Variants in OPCML observed in about 807,000 individuals in gnomAD.
OPCML encodes the protein opioid binding protein/cell adhesion molecule like, also known as opioid-binding protein/cell adhesion molecule.
OPCML carries 13 observed loss-of-function variants against 37.8 expected under a neutral mutation model. The ratio of observed to expected loss-of-function variants is 0.34; its 90% confidence interval spans 0.22 to 0.55. The LOEUF is 0.55. Ranked by LOEUF, OPCML falls within the 20% of genes least tolerant of loss-of-function variation. The pLI, the probability that OPCML is intolerant of heterozygous loss-of-function variation, is 0.91. For missense variants in OPCML, 341 were observed against 435.6 expected (o/e 0.78, Z 1.93); for synonymous variants, 176 against 168.8 (o/e 1.04, Z -0.33).
chr11:132,975,529 C>CAAAAAAAAAAAAA lies in OPCML; in HGVS notation c.62-32532_62-32520dup, dbSNP rs56882175. 2.1e-4 allele frequency among the ~76,000 whole-genome samples: 9 copies of CAAAAAAAAAAAAA among 42,800 alleles called. 2 individuals are homozygous for CAAAAAAAAAAAAA. Among genetic ancestry groups the CAAAAAAAAAAAAA allele is most frequent in the South Asian group, 1.1e-3 (1 of 934 alleles). The allele number at this position is 42,800 out of a possible 152,430, so 28.1% of individuals were successfully genotyped here. ...CTGGATGTCCCATCCAGGTTTCAAG[C>CAAAAAAAAAAAAA]AAAAAAAAAAAAAAAAAAAAAAAAA... On this transcript the variant is annotated intron_variant, in intron 1 of 7. Coordinates refer to ENST00000524381, the MANE Select transcript of OPCML (RefSeq NM_001012393.5).
chr11:132,436,013 A>G (rs1221568685), intron 7 of OPCML, 73 bp downstream of exon 7: 14 of 1,515,522 alleles, frequency 9.2e-6, no homozygotes, highest in Non-Finnish European at 1.2e-5. Context: ...GCAGATTGCA[A>G]CTTCCTCCCT....
At chr11:132,472,791 G>A (rs965077073) in intron 4 of OPCML, among the ~76,000 whole-genome samples, 1 of 152,214 alleles carries the variant, frequency 6.6e-6, no homozygotes, top group Non-Finnish European at 1.5e-5. Flanking sequence ...ACTGCAGGGG[G>A]CAGTGGAAGC....
At chr11:132,846,462 T>C (rs1941545759) in intron 2 of OPCML, among the ~76,000 whole-genome samples, 1 of 152,210 alleles carries the variant, frequency 6.6e-6, no homozygotes, top group African/African-American at 2.4e-5. Context: ...CCCTCATAAA[T>C]ATCTGCTTCC....
intron 1 of OPCML, among the ~76,000 whole-genome samples, chr11:133,223,052 G>A (rs1294969831): frequency 6.6e-6 from 1 of 152,196 alleles, no homozygotes; most frequent in Non-Finnish European, 1.5e-5. Context: ...CAAGACGTGG[G>A]CAGCCCTCAC....
chr11:132,466,954 T>C (rs1317693242), intron 4 of OPCML, among the ~76,000 whole-genome samples: 1 of 152,216 alleles, frequency 6.6e-6, no homozygotes, highest in Non-Finnish European at 1.5e-5. Flanking sequence ...GGCCACCTAA[T>C]ATCTTTTCCT....
chr11:132,774,026 C>G (rs543061228), intron 2 of OPCML, among the ~76,000 whole-genome samples: 1 of 152,198 alleles, frequency 6.6e-6, no homozygotes, highest in Non-Finnish European at 1.5e-5. Context: ...ATTTGACTTT[C>G]AAAAATTTCC....
At chr11:132,836,958 G>C (rs1314780906) in intron 2 of OPCML, among the ~76,000 whole-genome samples, 1 of 152,148 alleles carries the variant, frequency 6.6e-6, no homozygotes, top group Non-Finnish European at 1.5e-5. Context: ...AGAAAATCAA[G>C]TGAACGATCA....
At chr11:132,436,278 G>T (rs749832103) in intron 6 of OPCML, 41 bp from the exon 7 acceptor site, 1 of 1,613,706 alleles carries the variant, frequency 6.2e-7, no homozygotes, top group African/African-American at 1.3e-5. Context: ...ATTCTACAAA[G>T]AGGCCCTCCT....
chr11:133,451,090 A>G (rs563556586), intron 1 of OPCML, among the ~76,000 whole-genome samples: 5 of 151,884 alleles, frequency 3.3e-5, no homozygotes, highest in African/African-American at 1.2e-4. Flanking sequence ...AAGGGAGACT[A>G]GAACTCAAAA....
intron 1 of OPCML, among the ~76,000 whole-genome samples, chr11:132,981,965 A>G (rs1744740721): frequency 6.6e-6 from 1 of 152,194 alleles, no homozygotes; most frequent in Admixed American, 6.5e-5. Flanking sequence ...ATATCCAAAC[A>G]TTTGTGAAAC....
At chr11:133,431,630 T>C (rs1011360778) in intron 1 of OPCML, among the ~76,000 whole-genome samples, 8 of 151,898 alleles carry the variant, frequency 5.3e-5, no homozygotes, top group Non-Finnish European at 8.8e-5. Context: ...CATGCCCAGC[T>C]AATTTTGTAT....
chr11:133,223,871 G>A (rs1046724088), intron 1 of OPCML, among the ~76,000 whole-genome samples: 5 of 152,182 alleles, frequency 3.3e-5, no homozygotes, highest in Non-Finnish European at 7.3e-5. Context: ...ACCAGCTCCT[G>A]TCATTAGCAT....
At position 133,051,515 on chromosome 11, in the gene OPCML, TTTTG is replaced by T. The variant is rs576246724; in HGVS notation, c.62-108509_62-108506del. Among the ~76,000 whole-genome samples the T allele has an allele frequency of 2.5e-3, 383 of 152,280 alleles. 2 individuals are homozygous for T. The highest frequency in any genetic ancestry group is 7.7e-3 in the African/African-American group (318 of 41,550). ...TGCCTTCCAGGAGGTTTTGCTGGGT[TTTTG>T]TTTGTTTGTTTGTTTGTTTTTTAGC... On this transcript the variant is annotated intron_variant, in intron 1 of 7. Transcript: ENST00000524381.
chr11:132,514,826 G>C (rs983041530), intron 4 of OPCML, among the ~76,000 whole-genome samples: 2 of 152,118 alleles, frequency 1.3e-5, no homozygotes, highest in African/African-American at 2.4e-5. Flanking sequence ...ACATCTTGCT[G>C]TCTGACATCC....
At chr11:132,720,679 A>G (rs1012794223) in intron 2 of OPCML, among the ~76,000 whole-genome samples, 3 of 152,166 alleles carry the variant, frequency 2.0e-5, no homozygotes, top group African/African-American at 7.2e-5. Flanking sequence ...CTAAATGTCT[A>G]TTTTATTGTC....
intron 2 of OPCML, among the ~76,000 whole-genome samples, chr11:132,697,431 T>C (rs1940149): frequency 0.49 from 75,061 of 151,942 alleles, 18,693 homozygotes; most frequent in Admixed American, 0.56. Context: ...AACATCTCCC[T>C]GCTTCCCTCC....
chr11:132,550,631 C>T (rs147016062), intron 3 of OPCML, among the ~76,000 whole-genome samples: 1 of 152,230 alleles, frequency 6.6e-6, no homozygotes, highest in Non-Finnish European at 1.5e-5. Flanking sequence ...ACAAGAATGG[C>T]CTAAGAGGGC....
chr11:133,240,899 T>C (rs1366008914), intron 1 of OPCML, among the ~76,000 whole-genome samples: 1 of 152,262 alleles, frequency 6.6e-6, no homozygotes, highest in Non-Finnish European at 1.5e-5. Flanking sequence ...TGCATCTTTT[T>C]ACCTTTCCTC....
chr11:133,442,326 T>C (rs1946380528), intron 1 of OPCML, among the ~76,000 whole-genome samples: 1 of 152,196 alleles, frequency 6.6e-6, no homozygotes, highest in African/African-American at 2.4e-5. Context: ...AAACTTTTTA[T>C]TCTCAAATAT....
Sources: allele counts gnomAD v4.1 joint callset (sites outside exome capture counted in the v4.1 genomes callset), GRCh38; gene constraint gnomAD v4.1.1; transcripts MANE v1.5; gene names NCBI Gene and HGNC (gene_info 2026-07-23, HGNC 2026-07-21).